The following PDZRN3 variants were observed in gnomAD, a reference collection of about 807,000 sequenced individuals.
PDZRN3 encodes the protein E3 ubiquitin-protein ligase PDZRN3.
PDZRN3 carries 38 observed loss-of-function variants against 85.7 expected under a neutral mutation model. The ratio of observed to expected loss-of-function variants is 0.44; its 90% CI spans 0.34 to 0.58. PDZRN3 has a LOEUF of 0.58. Among genes scored for constraint, PDZRN3 ranks in the 20% least tolerant of loss-of-function variants. The pLI is 0.01. For missense variants in PDZRN3, 1,629 were observed against 1,506.4 expected (o/e 1.08, Z -1.35); for synonymous variants, 759 against 638.0 (o/e 1.19, Z -2.86).
At chr3:73,504,997 T>C (rs994548404) in intron 3 of PDZRN3, among the ~76,000 whole-genome samples, 4 of 152,226 alleles carry the variant, frequency 2.6e-5, no homozygotes, top group African/African-American at 9.6e-5. Context: ...ATAGTCTCTG[T>C]AGCAACTCCA....
In PDZRN3 at chr3:73,477,588, T is replaced by C. The variant is rs181765090; in HGVS notation, c.919-73193A>G. Among the ~76,000 whole-genome samples, 7 of 152,274 alleles carry C rather than the reference T, an allele frequency of 4.6e-5. No individual in the cohort carries two copies. The East Asian group carries it at 1.4e-3, about 29-fold the overall frequency. On this transcript the variant is annotated intron_variant, in intron 3 of 9. Transcript: ENST00000263666. ...ATTCAAAAATAATGAAAACAAACGC[T>C]CATGAGCAAAAAATCACCCATAAAT... is the stretch of plus-strand genomic sequence containing the variant.
intron 3 of PDZRN3, among the ~76,000 whole-genome samples, chr3:73,491,349 C>A (rs1575687978): frequency 6.6e-6 from 1 of 152,164 alleles, no homozygotes; most frequent in Non-Finnish European, 1.5e-5. Context: ...ATCTTGATAT[C>A]TGAATGCTTT....
At chr3:73,408,068 C>T in intron 3 of PDZRN3, 1 of 670,762 alleles carries the variant, frequency 1.5e-6, no homozygotes, top group Non-Finnish European at 2.7e-6. Flanking sequence ...CCCAAGAAAA[C>T]AATTTTAGTA....
intron 3 of PDZRN3, among the ~76,000 whole-genome samples, chr3:73,583,422 G>C (rs1189670945): frequency 6.6e-6 from 1 of 152,114 alleles, no homozygotes. Flanking sequence ...AATAGCCTCA[G>C]GCTAGCAGTT....
chr3:73,384,235 G>A lies in PDZRN3; in HGVS notation c.2331C>T (p.Asn777=), dbSNP rs1701295855. The A allele has an allele frequency of 3.1e-6, 5 of 1,613,668 alleles. No homozygotes were observed. Among genetic ancestry groups the A allele is most frequent in the Non-Finnish European group, 4.2e-6 (5 of 1,180,002 alleles). The part of the protein sequence containing the change: ...TPLTLEISPD[N]SLRRAAEGIS... ...TGCCCTCCGCCGCTCTCCTCAAGGA[G>A]TTGTCGGGGGAGATCTCCAGGGTGA... The change falls in exon 10 of 10, where the codon AAC becomes AAT. Residue 777 remains asparagine, a synonymous_variant. Transcript: ENST00000263666.
chr3:73,600,929 C>G lies in PDZRN3; in HGVS notation c.918+1425G>C, dbSNP rs537240735. Among the ~76,000 whole-genome samples, 13 of 152,230 alleles carry G rather than the reference C, an allele frequency of 8.5e-5. No individual in the cohort carries two copies. The South Asian group carries it at 2.3e-3, about 27-fold the overall frequency. On this transcript the variant is annotated intron_variant, in intron 3 of 9. Transcript: ENST00000263666. ...GGAAGTACAAAGACTGACTCTAAAC[C>G]ATGCAGCAAAAAAAGCTCCAAGTTT...
intron 3 of PDZRN3, among the ~76,000 whole-genome samples, chr3:73,411,956 A>G (rs1041347454): frequency 6.6e-6 from 1 of 152,216 alleles, no homozygotes; most frequent in African/African-American, 2.4e-5. Flanking sequence ...AGGGAAGTAC[A>G]GCTACTATCA....
At chr3:73,597,557 A>G (rs4440067) in intron 3 of PDZRN3, among the ~76,000 whole-genome samples, 37,229 of 151,934 alleles carry the variant, frequency 0.25, 6,802 homozygotes, top group African/African-American at 0.52. Context: ...CCACGCAATC[A>G]CTACACAGAC....
intron 3 of PDZRN3, among the ~76,000 whole-genome samples, chr3:73,514,307 T>A (rs1280345483): frequency 6.6e-6 from 1 of 152,204 alleles, no homozygotes; most frequent in African/African-American, 2.4e-5. Flanking sequence ...TTAAGGCAGG[T>A]CTGAGGCAGA....
intron 1 of PDZRN3, among the ~76,000 whole-genome samples, chr3:73,620,802 T>A (rs1215340903): frequency 6.6e-6 from 1 of 152,174 alleles, no homozygotes; most frequent in Non-Finnish European, 1.5e-5. Flanking sequence ...GGTCTCGATC[T>A]CCTGATCTCG....
intron 3 of PDZRN3, among the ~76,000 whole-genome samples, chr3:73,593,187 T>C (rs1024025797): frequency 6.6e-6 from 1 of 152,122 alleles, no homozygotes; most frequent in African/African-American, 2.4e-5. Flanking sequence ...CAATATAAAA[T>C]ATATTTGACC....
At position 73,608,682 on chromosome 3, in the gene PDZRN3, G is replaced by A. The variant is rs202197320; in HGVS notation, c.726C>T (p.Gly242=). Residue 242 remains glycine (G), a splice_region_variant and synonymous_variant, in exon 2 of 10, where the codon GGC becomes GGT. Coordinates refer to ENST00000263666, the MANE Select transcript of PDZRN3 (RefSeq NM_015009.3). ...RCVAAPPGGK[G]EETKSLTLVL... ...CAAGAGTCAGACTTTTGGTTTCTTC[G>A]CCCTGCAGGTAACAAATGAGATCAA... 1.4e-5 allele frequency: 22 copies of A among 1,600,618 alleles called. No individual in the cohort carries two copies. Among genetic ancestry groups the A allele is most frequent in the Admixed American group, 1.3e-4 (8 of 59,342 alleles).
At chr3:73,579,150 C>A (rs768783696) in intron 3 of PDZRN3, among the ~76,000 whole-genome samples, 4 of 152,078 alleles carry the variant, frequency 2.6e-5, no homozygotes, top group African/African-American at 9.7e-5. Flanking sequence ...AGGATTAGCG[C>A]CCTTTCAAAA....
chr3:73,484,504 C>T (rs1324233091), intron 3 of PDZRN3, among the ~76,000 whole-genome samples: 1 of 152,096 alleles, frequency 6.6e-6, no homozygotes, highest in Non-Finnish European at 1.5e-5. Context: ...AAAGGCCCTA[C>T]AAATCCTCTG....
chr3:73,427,054 GA>G lies in PDZRN3; in HGVS notation c.919-22660del, dbSNP rs996528580. Among the ~76,000 whole-genome samples, 9 of 151,154 alleles carry G rather than the reference GA, an allele frequency of 6.0e-5. No individual in the cohort carries two copies. In the South Asian group the frequency reaches 1.5e-3, roughly 25 times the overall value. ...TGATGAATATCATCAAATGTATTTG[GA>G]AAAAAAAATTATCCCATGAGGCAGG... On this transcript the variant is annotated intron_variant, in intron 3 of 9. Transcript: ENST00000263666.
At chr3:73,430,260 G>C (rs142820108) in intron 3 of PDZRN3, among the ~76,000 whole-genome samples, 47 of 152,282 alleles carry the variant, frequency 3.1e-4, no homozygotes, top group Non-Finnish European at 5.4e-4. Flanking sequence ...CATAGTAAGT[G>C]CACAATAAAT....
intron 1 of PDZRN3, among the ~76,000 whole-genome samples, chr3:73,620,159 GA>G (rs1449485514): frequency 6.6e-6 from 1 of 152,216 alleles, no homozygotes; most frequent in African/African-American, 2.4e-5. Context: ...TGCTGATTCA[GA>G]AACTCTGGTT....
rs770940891 is a variant in PDZRN3, at chr3:73,383,464, G to A, written c.3102C>T (p.Phe1034=). The part of the protein sequence containing the change: ...KMMKKRNKKI[F]DNWMTIQELL... ...GTTCTTGGATCGTCATCCAGTTATC[G>A]AAGATTTTCTTATTCCTCTTCTTCA... Residue 1034 remains phenylalanine (F), a synonymous_variant, in exon 10 of 10, where the codon TTC becomes TTT. Coordinates refer to ENST00000263666, the MANE Select transcript of PDZRN3 (RefSeq NM_015009.3). 3.7e-6 allele frequency: 6 copies of A among 1,614,156 alleles called. No individual in the cohort carries two copies. Among genetic ancestry groups the A allele is most frequent in the Admixed American group, 1.7e-5 (1 of 60,028 alleles).
intron 1 of PDZRN3, among the ~76,000 whole-genome samples, chr3:73,617,699 G>A (rs1398747831): frequency 6.6e-6 from 1 of 151,912 alleles, no homozygotes. Flanking sequence ...TCTCTTTTTT[G>A]TCTAAATCTA....
Sources: allele counts gnomAD v4.1 joint callset (sites outside exome capture counted in the v4.1 genomes callset), GRCh38; gene constraint gnomAD v4.1.1; transcripts MANE v1.5; gene names NCBI Gene and HGNC (gene_info 2026-07-23, HGNC 2026-07-21).